The following MUC6 variants were observed in gnomAD, a reference collection of about 807,000 sequenced individuals.
MUC6 encodes the protein mucin-6.
Under a neutral mutation model 201.5 loss-of-function variants are expected in MUC6, and 188 were observed. The ratio of observed to expected loss-of-function variants is 0.93; its 90% CI spans 0.83 to 1.05. The LOEUF (loss-of-function observed/expected upper bound fraction) is 1.05, where lower values mean the gene tolerates loss of function less well. Among genes scored for constraint, MUC6 ranks in the 50% least tolerant of loss-of-function variants. The pLI is 0.00. For missense variants in MUC6, 2,706 were observed against 3,256.9 expected (o/e 0.83, Z 4.12); for synonymous variants, 1,228 against 1,389.4 (o/e 0.88, Z 2.58).
chr11:1,021,622 C>T (rs1175470731), intron 26 of MUC6, among the ~76,000 whole-genome samples: 2 of 152,090 alleles, frequency 1.3e-5, no homozygotes. Flanking sequence ...CTTCCTGCCT[C>T]GGCCTCCCAG....
Position 1,028,334 on chromosome 11 carries a change from C to T in MUC6, c.1645G>A (p.Gly549Ser), listed in dbSNP as rs199533668. 7.4e-5 allele frequency: 120 copies of T among 1,612,514 alleles called. No individual in the cohort carries two copies. The highest frequency in any genetic ancestry group is 4.9e-4 in the Middle Eastern group (3 of 6,084). Residue 549 changes from glycine (G) to serine (S), a missense_variant, in exon 14 of 33, where the codon GGT becomes AGT. Coordinates refer to ENST00000421673, the MANE Select transcript of MUC6 (RefSeq NM_005961.3). ...AGCGAGGCGGTGCCCTCGGCGATAC[C>T]CATGCTAGTGGTGAAGTCATCCGTT... ...DTTDDFTTSM[G>S]IAEGTASLFV...
intron 9 of MUC6, 23 bp downstream of exon 9, chr11:1,029,472 G>GCC (rs1188035922): frequency 2.5e-6 from 4 of 1,610,710 alleles, no homozygotes; most frequent in Non-Finnish European, 3.4e-6. Flanking sequence ...GCCGGCCAGA[G>GCC]CCCCCTCCGG....
At position 1,026,159 on chromosome 11, in the gene MUC6, G is replaced by C. The variant is rs1856954326; in HGVS notation, c.2547-18C>G. On this transcript the variant is annotated intron_variant, in intron 20 of 32. Coordinates refer to ENST00000421673, the MANE Select transcript of MUC6 (RefSeq NM_005961.3). ...AGCAGGAGCTGTGGAGACAGCAGGT[G>C]TGGGTGGTGGGCCTGCGGCCCTCCT... The C allele has an allele frequency of 6.3e-7, 1 of 1,583,296 alleles. No homozygotes were observed. Among genetic ancestry groups the C allele is most frequent in the East Asian group, 2.3e-5 (1 of 43,436 alleles).
rs371590735 is a variant in MUC6, at chr11:1,024,074, G to T, written c.3255C>A (p.Cys1085Ter). 6 of 1,613,016 alleles carry T rather than the reference G, an allele frequency of 3.7e-6. No individual in the cohort carries two copies. The South Asian group carries it at 5.5e-5, about 15-fold the overall frequency. ...KVYHLPYYEA[C>*]VRDACGCDSG... ...TGTCACACCCACATGCGTCGCGCAC[G>T]CAGGCCTCGTAGTAGGGCAGGTGGT... Residue 1085 changes from cysteine (C) to a stop codon, truncating the protein, a stop_gained, in exon 25 of 33, where the codon TGC becomes TGA. Coordinates refer to ENST00000421673, the MANE Select transcript of MUC6 (RefSeq NM_005961.3). LOFTEE classifies it high-confidence loss of function.
In MUC6 at chr11:1,013,877, G is replaced by A. The variant is rs985016535; in HGVS notation, c.7142+22C>T. ...TGAGCACCTTGGTGGACGTGGGGCA[G>A]GCCTCCCACCTGTGGACTCACCTGG... On this transcript the variant is annotated intron_variant, in intron 32 of 32. Transcript: ENST00000421673. 3.8e-6 allele frequency: 6 copies of A among 1,588,826 alleles called. No homozygotes were observed. The South Asian group carries it at 4.6e-5, about 12-fold the overall frequency.
In MUC6 at chr11:1,018,307, T is replaced by C. The variant is rs1206793687; in HGVS notation, c.4494A>G (p.Thr1498=). The C allele has an allele frequency of 6.2e-7, 1 of 1,614,018 alleles. No homozygotes were observed. Among genetic ancestry groups the C allele is most frequent in the South Asian group, 1.1e-5 (1 of 91,090 alleles). ...TGGTGGTCGGCGTTATTGGTGGGGC[T>C]GTGTGGGTGGACCCTGTGGCCTTGA... ...TTLKATGSTH[T]APPITPTTSG... Residue 1498 remains threonine (T), a synonymous_variant, in exon 31 of 33, where the codon ACA becomes ACG. Coordinates refer to ENST00000421673, the MANE Select transcript of MUC6 (RefSeq NM_005961.3).
Position 1,028,395 on chromosome 11 carries a change from G to A in MUC6, c.1592-8C>T, listed in dbSNP as rs374015945. The A allele has an allele frequency of 1.1e-4, 181 of 1,610,748 alleles. 3 individuals are homozygous for A. In the Middle Eastern group the frequency reaches 1.2e-3, roughly 10 times the overall value. ...TGAAGTTGCCGCAGAGCCCTGAGCC[G>A]GCGGGGCGTGAGCTCGACTTGAACC... On this transcript the variant is annotated splice_region_variant and splice_polypyrimidine_tract_variant and intron_variant, in intron 13 of 32. Transcript: ENST00000421673.
chr11:1,036,465 C>T (rs1002566792), intron 1 of MUC6, 139 bp downstream of exon 1: 4 of 1,002,764 alleles, frequency 4.0e-6, no homozygotes, highest in Non-Finnish European at 5.7e-6. Context: ...GGGCTGGTCA[C>T]GGAGCCGAGC....
chr11:1,016,217 G>C lies in MUC6; in HGVS notation c.6584C>G (p.Ser2195Cys). The stretch of plus-strand genomic sequence containing the variant: ...AGCTGGAGAAGAAGGAAAAAGAGGA[G>C]ATGCAGACACTGATGCAGTCGTGGG... ...THPTTASVSA[S>C]PLFPSSPAAS... The change falls in exon 31 of 33, where the codon TCT becomes TGT. Residue 2195 changes from serine to cysteine, a missense_variant. This residue lies in a region of MUC6 where 586 missense variants were observed against 488.0 expected (regional missense o/e 1.20). Coordinates refer to ENST00000421673, the MANE Select transcript of MUC6 (RefSeq NM_005961.3). The C allele has an allele frequency of 6.2e-7, 1 of 1,613,288 alleles. No homozygotes were observed.
In MUC6 at chr11:1,016,452, C is replaced by G; in HGVS notation, c.6349G>C (p.Ala2117Pro). The change falls in exon 31 of 33, where the codon GCA becomes CCA. Residue 2117 changes from alanine (A) to proline (P), a missense_variant. Ala to Pro is a conservative substitution (Grantham distance 27). Around this residue, in one of 10 missense-constraint regions of MUC6, gnomAD observed 586 missense variants for 488.0 expected, o/e 1.20. Transcript: ENST00000421673. ...ITTQLPHLSS[A>P]TTPVSTTNQL... ...TTAGTTGTGGAAACAGGAGTGGTTG[C>G]AGAACTCAAGTGGGGGAGTTGTGTG... 2 of 1,613,772 alleles carry G rather than the reference C, an allele frequency of 1.2e-6. No individual in the cohort carries two copies. Among genetic ancestry groups the G allele is most frequent in the Non-Finnish European group, 1.7e-6 (2 of 1,179,850 alleles).
In MUC6 at chr11:1,020,268, G is replaced by A. The variant is rs113111233; in HGVS notation, c.3641-11C>T. ...GCGTGGGCCGTGAGCCTGGGTGGGC[G>A]GACATGCCATCAGGGCTGCAGGGTA... On this transcript the variant is annotated splice_polypyrimidine_tract_variant and intron_variant, in intron 28 of 32. Coordinates refer to ENST00000421673, the MANE Select transcript of MUC6 (RefSeq NM_005961.3). 83,431 of 1,596,262 alleles carry A rather than the reference G, an allele frequency of 0.052. 2,415 individuals carry two copies. Among genetic ancestry groups the A allele is most frequent in the African/African-American group, 0.093 (6,853 of 74,016 alleles).
In MUC6 at chr11:1,033,679, G is replaced by A. The variant is rs763780370; in HGVS notation, c.53-604C>T. ...GTCACGGTGACTCCAGGGCAGGGCA[G>A]CGGGGGACGTCCCACCCTGACTCCC... On this transcript the variant is annotated intron_variant, in intron 1 of 32. Transcript: ENST00000421673. The surrounding 1 kb of genome is among the most constrained non-coding windows in gnomAD (Gnocchi z 5.6). 2.1e-4 allele frequency among the ~76,000 whole-genome samples: 32 copies of A among 152,180 alleles called. No homozygotes were observed. Among genetic ancestry groups the A allele is most frequent in the Non-Finnish European group, 3.7e-4 (25 of 67,960 alleles).
chr11:1,024,940 C>CA lies in MUC6; in HGVS notation c.3128dup (p.Thr1044AspfsTer50). 1.9e-6 allele frequency: 3 copies of CA among 1,613,022 alleles called. No individual in the cohort carries two copies. The highest frequency in any genetic ancestry group is 2.5e-6 in the Non-Finnish European group (3 of 1,179,902). On this transcript the variant is annotated frameshift_variant, in exon 24 of 33. Transcript: ENST00000421673. LOFTEE classifies it high-confidence loss of function. ...AGGCATTGAGACTGCAGGGGTCTGTCACGAAGCTCACGTCCCCGCACAGCG... is the reference window on the plus strand; with the variant it reads ...AGGCATTGAGACTGCAGGGGTCTGTCAACGAAGCTCACGTCCCCGCACAGCG...
chr11:1,025,061 CCA>C lies in MUC6; in HGVS notation c.3006_3007del (p.Cys1002TrpfsTer91), dbSNP rs753222643. 1.1e-4 allele frequency: 174 copies of C among 1,612,738 alleles called. No individual in the cohort carries two copies. Among genetic ancestry groups the C allele is most frequent in the Non-Finnish European group, 1.4e-4 (166 of 1,179,820 alleles). On this transcript the variant is annotated frameshift_variant, in exon 24 of 33. Coordinates refer to ENST00000421673, the MANE Select transcript of MUC6 (RefSeq NM_005961.3). LOFTEE classifies it high-confidence loss of function. ...GTCCTTCATGTTCCCGTTGAAGTTG[CCA>C]CACAAGCCGCAGAGGGGATCCTGCA...
chr11:1,013,276 G>A lies in MUC6; in HGVS notation c.*180C>T. The A allele has an allele frequency of 1.6e-6, 1 of 621,236 alleles. No individual in the cohort carries two copies. Among genetic ancestry groups the A allele is most frequent in the South Asian group, 2.0e-5 (1 of 50,354 alleles). 38.5% of individuals were successfully genotyped at this position (621,236 alleles called of 1,614,324 possible). A position where few individuals can be genotyped will look rare whatever the true frequency, so the allele number is the denominator to read the frequency against. Reference sequence around the variant, plus strand: ...GGTCTGCAGGAGTGTGGTAGTCTGAGCCCCTGCTTGGCAGCCCCTCTCCAA... The same window carrying A: ...GGTCTGCAGGAGTGTGGTAGTCTGAACCCCTGCTTGGCAGCCCCTCTCCAA... On this transcript the variant is annotated 3_prime_UTR_variant, in exon 33 of 33. Coordinates refer to ENST00000421673, the MANE Select transcript of MUC6 (RefSeq NM_005961.3).
Position 1,028,325 on chromosome 11 carries a change from C to A in MUC6, c.1654G>T (p.Glu552Ter). Residue 552 changes from glutamate (E) to a stop codon, truncating the protein, a stop_gained, in exon 14 of 33, where the codon GAG becomes TAG. Transcript: ENST00000421673. LOFTEE classifies it high-confidence loss of function. ...DDFTTSMGIA[E>*]GTASLFVDSW... is the part of the protein sequence containing the mutation. Reference sequence around the variant, plus strand: ...TCCACAAACAGCGAGGCGGTGCCCTCGGCGATACCCATGCTAGTGGTGAAG... The same window carrying A: ...TCCACAAACAGCGAGGCGGTGCCCTAGGCGATACCCATGCTAGTGGTGAAG... 1.2e-6 allele frequency: 2 copies of A among 1,612,408 alleles called. No individual in the cohort carries two copies. The highest frequency in any genetic ancestry group is 1.7e-6 in the Non-Finnish European group (2 of 1,179,774).
rs769022870 is a variant in MUC6 at position 1,013,949 on chromosome 11, C to G, written c.7092G>C (p.Met2364Ile). The change falls in exon 32 of 33, where the codon ATG (methionine) becomes ATC (isoleucine). Residue 2364 changes from methionine to isoleucine, a missense_variant. By Grantham distance (10) the Met-to-Ile change is conservative. This residue lies in a region of MUC6 where 586 missense variants were observed against 488.0 expected (regional missense o/e 1.20). Transcript: ENST00000421673. ...CACAGCGGGTTACCGTCACGTTCGC[C>G]ATGCACCCCTTGAACGTGATCTCCT... ...QQEEITFKGCMANVTVTRCEG... is the reference protein window; with the variant it reads ...QQEEITFKGCIANVTVTRCEG... 6.2e-7 allele frequency: 1 copy of G among 1,609,528 alleles called. No individual in the cohort carries two copies. Among genetic ancestry groups the G allele is most frequent in the Non-Finnish European group, 8.5e-7 (1 of 1,178,572 alleles).
At position 1,019,413 on chromosome 11, in the gene MUC6, T is replaced by C. The variant is rs202129124; in HGVS notation, c.3892A>G (p.Lys1298Glu). 9.0e-5 allele frequency: 145 copies of C among 1,613,924 alleles called. No homozygotes were observed. In the African/African-American group the frequency reaches 1.8e-3, roughly 20 times the overall value. Residue 1298 changes from lysine to glutamate, a missense_variant, in exon 30 of 33, where the codon AAA (lysine) becomes GAA (glutamate). Physicochemically the swap from Lys to Glu is moderately conservative, Grantham distance 56. This residue lies in a region of MUC6 where 1,850 missense variants were observed against 1,958.3 expected (regional missense o/e 0.94). Transcript: ENST00000421673. ...PTATLRSTAT[K>E]PTVTQATTRA... The stretch of plus-strand genomic sequence containing the variant: ...GTTGTGGCCTGGGTCACTGTGGGTT[T>C]TGTGGCTGTCGATCTCAGTGTGGCT...
chr11:1,029,389 C>T (rs927508878), intron 9 of MUC6, 23 bp from the exon 10 acceptor site: 13 of 1,592,912 alleles, frequency 8.2e-6, no homozygotes, highest in Admixed American at 3.5e-5. Flanking sequence ...GTGGGGGTAG[C>T]GGCATGGTGG....
Sources: allele counts gnomAD v4.1 joint callset (sites outside exome capture counted in the v4.1 genomes callset), GRCh38; gene constraint gnomAD v4.1.1; regional missense constraint gnomAD v4.1.1; non-coding constraint Gnocchi (gnomAD v3.1); transcripts MANE v1.5; gene names NCBI Gene and HGNC (gene_info 2026-07-23, HGNC 2026-07-21).